Variants in EDC3 observed in about 807,000 individuals in gnomAD.
EDC3 encodes the protein enhancer of mRNA-decapping protein 3.
In EDC3, 20 loss-of-function variants were observed where a neutral mutation model predicts 41.8. That is an observed-to-expected ratio of 0.48 (90% CI 0.34 to 0.70). EDC3 has a LOEUF of 0.70. Among genes scored for constraint, EDC3 ranks in the 30% least tolerant of loss-of-function variants. The pLI is 0.01. For synonymous variants in EDC3, 206 were observed against 243.2 expected, an observed-to-expected ratio of 0.85 and a Z score of 1.42; for missense variants, 444 against 636.8, an observed-to-expected ratio of 0.70 and a Z score of 3.26.
intron 3 of EDC3, among the ~76,000 whole-genome samples, chr15:74,666,042 C>T (rs967357825): frequency 2.6e-5 from 4 of 152,040 alleles, no homozygotes; most frequent in African/African-American, 9.7e-5. Context: ...AGGCAACCTG[C>T]CCGTCCCAGC....
In EDC3 at chr15:74,667,577, A is replaced by G. The variant is rs961597773; in HGVS notation, c.484+3878T>C. Among the ~76,000 whole-genome samples, 13 of 142,138 alleles carry G rather than the reference A, an allele frequency of 9.1e-5. 1 individual carries two copies. Among genetic ancestry groups the G allele is most frequent in the Middle Eastern group, 7.5e-3 (2 of 268 alleles). 93.2% of individuals were successfully genotyped at this position (142,138 alleles called of 152,430 possible). A position where few individuals can be genotyped will look rare whatever the true frequency, so the allele number is the denominator to read the frequency against. ...CAGTGTGAGAAAGTACCTAAGTACT[A>G]AAAAAAAAAAAAAATAAAATCCACA... On this transcript the variant is annotated intron_variant, in intron 3 of 6. Transcript: ENST00000315127.
chr15:74,678,470 C>T (rs1394142069), intron 1 of EDC3, among the ~76,000 whole-genome samples: 1 of 152,102 alleles, frequency 6.6e-6, no homozygotes, highest in African/African-American at 2.4e-5. Context: ...AAGAAAAATC[C>T]AGGCCTAGAT....
In EDC3 at chr15:74,688,121, T is replaced by C. The variant is rs34439749; in HGVS notation, c.-19+7759A>G. On this transcript the variant is annotated intron_variant, in intron 1 of 6. Coordinates refer to ENST00000315127, the MANE Select transcript of EDC3 (RefSeq NM_025083.5). ...TCCTCAGAAACTTCCCTTGGTAAAA[T>C]AGCATTATTCAAAACTCCTCAAACA... Among the ~76,000 whole-genome samples the C allele has an allele frequency of 9.3e-3, 1,422 of 152,294 alleles. 18 individuals are homozygous for C. Among genetic ancestry groups the C allele is most frequent in the African/African-American group, 0.031 (1,273 of 41,552 alleles).
intron 3 of EDC3, among the ~76,000 whole-genome samples, chr15:74,668,722 A>AAATC (rs1555455847): frequency 1.9e-5 from 1 of 51,858 alleles, no homozygotes; most frequent in African/African-American, 1.4e-4. Flanking sequence ...CCTGTCTCAA[A>AAATC]AATGAATGAA....
intron 1 of EDC3, among the ~76,000 whole-genome samples, chr15:74,683,603 A>C (rs2062899934): frequency 6.6e-6 from 1 of 152,158 alleles, no homozygotes; most frequent in African/African-American, 2.4e-5. Flanking sequence ...CCTAGTAGTG[A>C]TACTGTATTA....
intron 1 of EDC3, among the ~76,000 whole-genome samples, chr15:74,683,185 G>C (rs1207572083): frequency 5.3e-5 from 8 of 152,150 alleles, no homozygotes; most frequent in Non-Finnish European, 1.0e-4. Context: ...ACCCCAAGAG[G>C]TTGTGTTCTG....
chr15:74,643,493 C>T (rs2062377751), intron 4 of EDC3: 1 of 152,178 alleles, frequency 6.6e-6, no homozygotes, highest in Non-Finnish European at 1.5e-5. Flanking sequence ...AAAGAAAACT[C>T]CTCCTTGCAC....
intron 4 of EDC3, among the ~76,000 whole-genome samples, chr15:74,648,253 C>T (rs2062439888): frequency 1.3e-5 from 2 of 152,180 alleles, no homozygotes; most frequent in Admixed American, 6.5e-5. Flanking sequence ...TTCTTGACTA[C>T]CTATTTTTGA....
intron 1 of EDC3, among the ~76,000 whole-genome samples, chr15:74,686,319 C>T (rs868398155): frequency 6.7e-6 from 1 of 149,920 alleles, no homozygotes; most frequent in Non-Finnish European, 1.5e-5. Flanking sequence ...GAACAAGACT[C>T]GGTCTCAAAA....
chr15:74,689,863 T>C (rs1176226892), intron 1 of EDC3, among the ~76,000 whole-genome samples: 2 of 152,228 alleles, frequency 1.3e-5, no homozygotes, highest in African/African-American at 4.8e-5. Context: ...AAGAATACTT[T>C]AATTCATTTA....
intron 1 of EDC3, among the ~76,000 whole-genome samples, chr15:74,691,241 T>G (rs2141688773): frequency 6.6e-6 from 1 of 152,276 alleles, no homozygotes; most frequent in Middle Eastern, 3.4e-3. Flanking sequence ...TTACCTAATC[T>G]GAGTCTCAAC....
At chr15:74,660,609 AG>A (rs2062610549) in intron 3 of EDC3, among the ~76,000 whole-genome samples, 1 of 152,058 alleles carries the variant, frequency 6.6e-6, no homozygotes, top group African/African-American at 2.4e-5. Flanking sequence ...TACACAGACA[AG>A]GGAAGAACAA....
At chr15:74,669,869 A>AG (rs2062719837) in intron 3 of EDC3, among the ~76,000 whole-genome samples, 1 of 152,156 alleles carries the variant, frequency 6.6e-6, no homozygotes, top group South Asian at 2.1e-4. Context: ...ATTTTGAGAC[A>AG]GTCTCACACT....
intron 1 of EDC3, among the ~76,000 whole-genome samples, chr15:74,679,200 AT>A (rs1394581600): frequency 2.6e-5 from 4 of 152,136 alleles, no homozygotes; most frequent in Non-Finnish European, 4.4e-5. Context: ...TGTCTCAAAA[AT>A]AAAAATTAAA....
At chr15:74,665,245 C>T (rs1267071483) in intron 3 of EDC3, among the ~76,000 whole-genome samples, 1 of 152,154 alleles carries the variant, frequency 6.6e-6, no homozygotes, top group Non-Finnish European at 1.5e-5. Context: ...AGTCTGGTCT[C>T]GAACTCCTGG....
intron 3 of EDC3, among the ~76,000 whole-genome samples, chr15:74,662,925 C>T (rs2062636506): frequency 6.6e-6 from 1 of 152,202 alleles, no homozygotes; most frequent in South Asian, 2.1e-4. Context: ...CCCAAATACT[C>T]TGAAGGCAGG....
At chr15:74,664,997 A>C (rs1219176397) in intron 3 of EDC3, among the ~76,000 whole-genome samples, 1 of 152,198 alleles carries the variant, frequency 6.6e-6, no homozygotes, top group African/African-American at 2.4e-5. Flanking sequence ...ACCTCTCTCT[A>C]AATATAAATG....
chr15:74,677,880 G>A (rs1014522355), intron 1 of EDC3, among the ~76,000 whole-genome samples: 2 of 151,988 alleles, frequency 1.3e-5, no homozygotes, highest in Non-Finnish European at 2.9e-5. Context: ...AATGAACTAT[G>A]GCACACCCAG....
chr15:74,674,299 G>A (rs898156267), intron 2 of EDC3, among the ~76,000 whole-genome samples: 26 of 152,094 alleles, frequency 1.7e-4, no homozygotes, highest in South Asian at 4.2e-4. Flanking sequence ...TTGTAAAGAC[G>A]AGGTCTCACT....
Sources: gnomAD v4.1 joint callset for allele counts (sites outside exome capture counted in the v4.1 genomes callset) on GRCh38, gnomAD v4.1.1 for gene constraint, MANE v1.5 for transcripts, NCBI Gene and HGNC (gene_info 2026-07-23, HGNC 2026-07-21) for gene names.